IQGAP1: variants seen among roughly 807,000 people sequenced by gnomAD.
The protein encoded by IQGAP1 is IQ motif containing GTPase activating protein 1.
Under a neutral mutation model 215.6 loss-of-function variants are expected in IQGAP1, and 66 were observed. That is an observed-to-expected ratio of 0.31 (90% CI 0.25 to 0.38). The LOEUF (loss-of-function observed/expected upper bound fraction) is 0.38, where lower values mean the gene tolerates loss of function less well. IQGAP1 is among the 10% of genes least tolerant of loss of function. The pLI is 1.00. For missense variants in IQGAP1, 1,712 were observed against 1,997.1 expected, an observed-to-expected ratio of 0.86 and a Z score of 2.72; for synonymous variants, 772 against 728.7, an observed-to-expected ratio of 1.06 and a Z score of -0.96.
Position 90,449,643 on chromosome 15 carries a change from A to T in IQGAP1, c.1162A>T (p.Arg388Ter). The T allele has an allele frequency of 6.2e-7, 1 of 1,609,054 alleles. No individual in the cohort carries two copies. The highest frequency in any genetic ancestry group is 8.5e-7 in the Non-Finnish European group (1 of 1,177,304). The change falls in exon 11 of 38, where the codon AGA (arginine) becomes TGA (stop). Residue 388 changes from arginine (R) to a stop codon, truncating the protein, a stop_gained and splice_region_variant. Coordinates refer to ENST00000268182, the MANE Select transcript of IQGAP1 (RefSeq NM_003870.4). LOFTEE classifies it high-confidence loss of function. The stretch of plus-strand genomic sequence containing the variant: ...CAGTGCTGCCCAGCAATATCAGAGA[A>T]GTAAGAGTCCATTGAAATTGTATGG... The part of the protein sequence containing the change: ...ANSAAQQYQR[R>*]LAAVALINAA...
At chr15:90,455,278 T>C (rs988749243) in intron 14 of IQGAP1, among the ~76,000 whole-genome samples, 1 of 152,204 alleles carries the variant, frequency 6.6e-6, no homozygotes, top group Admixed American at 6.5e-5. Context: ...CAATTTTCAT[T>C]TGGCCTCTGC....
intron 15 of IQGAP1, among the ~76,000 whole-genome samples, chr15:90,462,473 G>A (rs571834199): frequency 2.6e-5 from 4 of 152,270 alleles, no homozygotes; most frequent in South Asian, 4.1e-4. Context: ...GTTGATAAAC[G>A]TGTTGTACAG....
At chr15:90,393,183 A>G in intron 2 of IQGAP1, among the ~76,000 whole-genome samples, 1 of 94,670 alleles carries the variant, frequency 1.1e-5, no homozygotes, top group East Asian at 6.0e-4. Flanking sequence ...GGAGATCCAG[A>G]CACATAGTAG....
intron 2 of IQGAP1, among the ~76,000 whole-genome samples, chr15:90,415,533 A>G (rs1965032665): frequency 6.6e-6 from 1 of 152,044 alleles, no homozygotes; most frequent in Non-Finnish European, 1.5e-5. Flanking sequence ...TTTTTAAAAA[A>G]TTCTCTAATC....
At chr15:90,443,698 T>C (rs1225339798) in intron 9 of IQGAP1, among the ~76,000 whole-genome samples, 6 of 152,204 alleles carry the variant, frequency 3.9e-5, no homozygotes, top group Non-Finnish European at 7.3e-5. Flanking sequence ...AGTAGCATCA[T>C]AGTAGTCTGT....
At position 90,474,517 on chromosome 15, in the gene IQGAP1, C is replaced by T. The variant is rs1443253762; in HGVS notation, c.2608C>T (p.Arg870Ter). ...NAEDPPMVVVRKFVHLLDQSD... is the reference protein window; with the variant it reads ...NAEDPPMVVV ...TGAGGATCCTCCTATGGTTGTGGTC[C>T]GAAAATTTGTCCACCTGCTGGACCA... The change falls in exon 23 of 38, where the codon CGA (arginine) becomes TGA (stop). Residue 870 changes from arginine to a stop codon, truncating the protein, a stop_gained. Coordinates refer to ENST00000268182, the MANE Select transcript of IQGAP1 (RefSeq NM_003870.4). LOFTEE classifies it high-confidence loss of function. 3.1e-6 allele frequency: 5 copies of T among 1,614,040 alleles called. No homozygotes were observed. Among genetic ancestry groups the T allele is most frequent in the Non-Finnish European group, 4.2e-6 (5 of 1,179,964 alleles).
chr15:90,423,808 A>T (rs1336149843), intron 2 of IQGAP1, among the ~76,000 whole-genome samples: 3 of 152,196 alleles, frequency 2.0e-5, no homozygotes, highest in African/African-American at 7.2e-5. Flanking sequence ...CTAAGTCAGG[A>T]CTGTTTTATA....
At chr15:90,494,953 T>G in intron 36 of IQGAP1, 118 bp downstream of exon 36, 2 of 641,198 alleles carry the variant, frequency 3.1e-6, no homozygotes, top group Non-Finnish European at 5.2e-6. Flanking sequence ...TTTATGTATT[T>G]ATATATTTTT....
chr15:90,467,647 T>A, intron 18 of IQGAP1, 55 bp downstream of exon 18: 1 of 1,523,334 alleles, frequency 6.6e-7, no homozygotes, highest in East Asian at 2.3e-5. Context: ...TTTCAAGCTA[T>A]AATATTAATT....
chr15:90,441,162 GTT>G (rs1965444366), intron 7 of IQGAP1, among the ~76,000 whole-genome samples: 1 of 151,930 alleles, frequency 6.6e-6, no homozygotes, highest in Non-Finnish European at 1.5e-5. Context: ...GGCTCATTGA[GTT>G]TCTTATTGTT....
intron 33 of IQGAP1, 26 bp downstream of exon 33, chr15:90,487,608 C>A: frequency 6.7e-7 from 1 of 1,486,684 alleles, no homozygotes; most frequent in Non-Finnish European, 9.4e-7. Context: ...TAACATACTC[C>A]TTTGTTTGGT....
chr15:90,450,330 C>CTTTTTTTTT (rs869037347), intron 11 of IQGAP1, among the ~76,000 whole-genome samples: 1 of 54,460 alleles, frequency 1.8e-5, no homozygotes, highest in Non-Finnish European at 3.2e-5. Flanking sequence ...TATACACTAC[C>CTTTTTTTTT]TTTTTTTTTT....
chr15:90,495,706 C>A (rs1180229007), intron 36 of IQGAP1, among the ~76,000 whole-genome samples: 1 of 147,022 alleles, frequency 6.8e-6, no homozygotes, highest in Non-Finnish European at 1.5e-5. Flanking sequence ...GGCGCGATCT[C>A]AGCTCACTGC....
chr15:90,415,361 T>C (rs536352099), intron 2 of IQGAP1, among the ~76,000 whole-genome samples: 19 of 152,328 alleles, frequency 1.2e-4, no homozygotes, highest in African/African-American at 3.8e-4. Context: ...TGATTTTTTT[T>C]CCTCCAGTAA....
chr15:90,423,399 A>C (rs1231522655), intron 2 of IQGAP1, among the ~76,000 whole-genome samples: 1 of 151,904 alleles, frequency 6.6e-6, no homozygotes, highest in African/African-American at 2.4e-5. Flanking sequence ...ACACTGGCAA[A>C]TTTTTGTATT....
chr15:90,434,447 T>A (rs868297322), intron 5 of IQGAP1, among the ~76,000 whole-genome samples: 158 of 151,628 alleles, frequency 1.0e-3, no homozygotes, highest in Middle Eastern at 6.8e-3. Context: ...TAAAAAAAAA[T>A]AATAATAATC....
chr15:90,494,541 G>T (rs1290738008), intron 35 of IQGAP1, 172 bp from the exon 36 acceptor site: 2 of 431,570 alleles, frequency 4.6e-6, no homozygotes, highest in East Asian at 4.0e-5. Flanking sequence ...CCCCTGTTTT[G>T]CAGAGATATT....
intron 2 of IQGAP1, among the ~76,000 whole-genome samples, chr15:90,403,128 A>G (rs2151003962): frequency 6.6e-6 from 1 of 152,246 alleles, no homozygotes; most frequent in Non-Finnish European, 1.5e-5. Context: ...AAATAAAAAA[A>G]AGCCAAACGT....
chr15:90,449,519 G>A, intron 10 of IQGAP1, 40 bp from the exon 11 acceptor site: 2 of 1,524,104 alleles, frequency 1.3e-6, no homozygotes, highest in Non-Finnish European at 1.8e-6. Flanking sequence ...GGAGTCATAG[G>A]AATGAGTAAT....
Sources: allele counts gnomAD v4.1 joint callset (sites outside exome capture counted in the v4.1 genomes callset), GRCh38; gene constraint gnomAD v4.1.1; transcripts MANE v1.5; gene names NCBI Gene and HGNC (gene_info 2026-07-23, HGNC 2026-07-21).